UBE2E2: variants seen among roughly 807,000 people sequenced by gnomAD.
The protein encoded by UBE2E2 is ubiquitin conjugating enzyme E2 E2, also known as ubiquitin-conjugating enzyme E2 E2.
In UBE2E2, 6 loss-of-function variants were observed where a neutral mutation model predicts 24.7. The observed-to-expected ratio is 0.24, with a 90% CI of 0.13 to 0.48. The LOEUF is 0.48. Among genes scored for constraint, UBE2E2 ranks in the 20% least tolerant of loss-of-function variants. The pLI is 0.99. For synonymous variants in UBE2E2, 104 were observed against 83.6 expected (o/e 1.24, Z -1.33); for missense variants, 169 against 245.0 (o/e 0.69, Z 2.07).
At position 23,204,697 on chromosome 3, in the gene UBE2E2, C is replaced by T. The variant is rs191932549; in HGVS notation, c.-9+1233C>T. 1.1e-5 allele frequency: 11 copies of T among 985,342 alleles called. No homozygotes were observed. The African/African-American group carries it at 1.9e-4, about 17-fold the overall frequency. 61.0% of individuals were successfully genotyped at this position (985,342 alleles called of 1,614,324 possible). ...CTCTTTCCCCTGCAGCACCTTTTACCCCCAAATCAGGTGTTCCACTGTTAT... is the reference window on the plus strand; with the variant it reads ...CTCTTTCCCCTGCAGCACCTTTTACTCCCAAATCAGGTGTTCCACTGTTAT... On this transcript the variant is annotated intron_variant, in intron 1 of 5. Transcript: ENST00000396703.
intron 3 of UBE2E2, among the ~76,000 whole-genome samples, chr3:23,467,509 A>G (rs1424051766): frequency 6.6e-6 from 1 of 152,232 alleles, no homozygotes; most frequent in Non-Finnish European, 1.5e-5. Context: ...CACAAACTGA[A>G]CATGGGCCTA....
At chr3:23,429,984 A>G (rs141847726) in intron 3 of UBE2E2, among the ~76,000 whole-genome samples, 1 of 152,120 alleles carries the variant, frequency 6.6e-6, no homozygotes, top group African/African-American at 2.4e-5. Flanking sequence ...AGGTTCAAGC[A>G]ATCCTCCCAC....
chr3:23,551,290 T>C (rs1695636911), intron 5 of UBE2E2, among the ~76,000 whole-genome samples: 1 of 152,240 alleles, frequency 6.6e-6, no homozygotes. Flanking sequence ...GGCAACCTTT[T>C]AAGTTAATTA....
intron 5 of UBE2E2, among the ~76,000 whole-genome samples, chr3:23,568,737 A>G (rs1474375014): frequency 7.2e-5 from 6 of 82,892 alleles, no homozygotes; most frequent in African/African-American, 3.4e-4. Flanking sequence ...ATGTATACAT[A>G]TATATATATA....
At chr3:23,436,604 G>A (rs1272640762) in intron 3 of UBE2E2, among the ~76,000 whole-genome samples, 2 of 151,022 alleles carry the variant, frequency 1.3e-5, no homozygotes, top group African/African-American at 2.4e-5. Context: ...AGTGAGCTGC[G>A]ATTGAGCCGC....
chr3:23,355,235 TGGGGGAG>T (rs1695907453), intron 3 of UBE2E2, among the ~76,000 whole-genome samples: 1 of 32,460 alleles, frequency 3.1e-5, no homozygotes, highest in Non-Finnish European at 6.6e-5. Flanking sequence ...GGTGGGGGGT[TGGGGGAG>T]GGGGGAGGGA....
intron 3 of UBE2E2, among the ~76,000 whole-genome samples, chr3:23,437,652 T>C (rs1344482223): frequency 6.6e-6 from 1 of 152,190 alleles, no homozygotes; most frequent in Non-Finnish European, 1.5e-5. Context: ...ACACTTTCCT[T>C]GTGACAGTAG....
intron 3 of UBE2E2, among the ~76,000 whole-genome samples, chr3:23,388,774 A>G (rs545693721): frequency 6.6e-6 from 1 of 152,270 alleles, no homozygotes; most frequent in East Asian, 1.9e-4. Flanking sequence ...TAGGAGGCCA[A>G]GGCAGGCGGA....
At chr3:23,573,353 G>T (rs1052056927) in intron 5 of UBE2E2, among the ~76,000 whole-genome samples, 10 of 152,118 alleles carry the variant, frequency 6.6e-5, no homozygotes, top group African/African-American at 2.2e-4. Flanking sequence ...AAGAAAGATG[G>T]ACTGCTTTGA....
chr3:23,567,619 C>A (rs114137180), intron 5 of UBE2E2, among the ~76,000 whole-genome samples: 1 of 152,064 alleles, frequency 6.6e-6, no homozygotes, highest in Admixed American at 6.5e-5. Context: ...ATGCTCACCA[C>A]GCCAAGTCAG....
intron 4 of UBE2E2, 151 bp from the exon 5 acceptor site, chr3:23,532,403 A>C (rs1035214474): frequency 7.2e-6 from 4 of 551,794 alleles, no homozygotes; most frequent in Admixed American, 3.7e-5. Flanking sequence ...GATTAATCTC[A>C]TGTGCCCAAG....
At chr3:23,566,654 C>G (rs1696080560) in intron 5 of UBE2E2, among the ~76,000 whole-genome samples, 1 of 151,988 alleles carries the variant, frequency 6.6e-6, no homozygotes, top group African/African-American at 2.4e-5. Flanking sequence ...AAAACGAAAG[C>G]AAGAAGTTGC....
rs1233818114 is a variant in UBE2E2, at chr3:23,591,148, T to C, written c.*1317T>C. The C allele has an allele frequency of 1.3e-5, 2 of 152,212 alleles. No homozygotes were observed. Among genetic ancestry groups the C allele is most frequent in the African/African-American group, 4.8e-5 (2 of 41,438 alleles). The allele number at this position is 152,212 out of a possible 1,614,324, so 9.4% of individuals were successfully genotyped here. On this transcript the variant is annotated 3_prime_UTR_variant, in exon 6 of 6. Transcript: ENST00000396703. ...GGAGGCAGAGGAAACGTGGGTGGTG[T>C]AGTTTCTAAAACACGCTGACTTGCT...
chr3:23,589,556 C>T lies in UBE2E2; in HGVS notation c.509-178C>T, dbSNP rs905790045. 6.6e-6 allele frequency among the ~76,000 whole-genome samples: 1 copy of T among 152,176 alleles called. No individual in the cohort carries two copies. The highest frequency in any genetic ancestry group is 1.5e-5 in the Non-Finnish European group (1 of 68,036). ...AAATACAGATAGGTGACTCTTGGGG[C>T]AGCTGGTGTGAAATGTAGTCTGTCA... On this transcript the variant is annotated intron_variant, in intron 5 of 5. Coordinates refer to ENST00000396703, the MANE Select transcript of UBE2E2 (RefSeq NM_152653.4). This position sits in a 1 kb window ranked among gnomAD's most constrained non-coding sequence, Gnocchi z 4.1.
At chr3:23,440,255 CAG>C (rs1347560615) in intron 3 of UBE2E2, among the ~76,000 whole-genome samples, 1 of 152,030 alleles carries the variant, frequency 6.6e-6, no homozygotes, top group Non-Finnish European at 1.5e-5. Context: ...GCCTGAGTGA[CAG>C]AGTGAGACTC....
At chr3:23,457,398 A>T (rs764538649) in intron 3 of UBE2E2, among the ~76,000 whole-genome samples, 1 of 152,210 alleles carries the variant, frequency 6.6e-6, no homozygotes. Context: ...AAACCCAGGG[A>T]CCCTAAGCTA....
intron 3 of UBE2E2, among the ~76,000 whole-genome samples, chr3:23,245,635 A>G (rs907018462): frequency 6.6e-6 from 1 of 152,218 alleles, no homozygotes; most frequent in African/African-American, 2.4e-5. Context: ...TTTGATATCC[A>G]TAGTAATAGC....
intron 1 of UBE2E2, 94 bp downstream of exon 1, chr3:23,203,558 C>T: frequency 2.5e-6 from 2 of 790,862 alleles, no homozygotes; most frequent in South Asian, 5.8e-5. Context: ...CTCCGCGTCG[C>T]AGGTCTCTGC....
rs1444530313 is a variant in UBE2E2 at position 23,347,109 on chromosome 3, C to T, written c.227+129797C>T. ...TGCTGTTAAGAATAGTCCATAGGGA[C>T]TGTAAACTAGTTCAACCATTGTGGA... On this transcript the variant is annotated intron_variant, in intron 3 of 5. Transcript: ENST00000396703. Among the ~76,000 whole-genome samples the T allele has an allele frequency of 3.3e-5, 5 of 152,318 alleles. No individual in the cohort carries two copies. The East Asian group carries it at 5.8e-4, about 18-fold the overall frequency.
Sources: allele counts gnomAD v4.1 joint callset (sites outside exome capture counted in the v4.1 genomes callset), GRCh38; gene constraint gnomAD v4.1.1; non-coding constraint Gnocchi (gnomAD v3.1); transcripts MANE v1.5; gene names NCBI Gene and HGNC (gene_info 2026-07-23, HGNC 2026-07-21).